The following TSPEAR variants were observed in gnomAD, a reference collection of about 807,000 sequenced individuals.
TSPEAR encodes thrombospondin-type laminin G domain and EAR repeat-containing protein.
TSPEAR carries 69 observed loss-of-function variants against 71.6 expected under a neutral mutation model. The ratio of observed to expected loss-of-function variants is 0.96; its 90% CI spans 0.79 to 1.18. The LOEUF is 1.18. TSPEAR is among the 50% of genes most tolerant of loss of function. TSPEAR has a pLI of 0.00. For missense variants in TSPEAR, 971 were observed against 894.9 expected, an observed-to-expected ratio of 1.09 and a Z score of -1.09; for synonymous variants, 402 against 387.2, an observed-to-expected ratio of 1.04 and a Z score of -0.45.
chr21:44,697,389 G>A lies in TSPEAR; in HGVS notation c.82+14044C>T, dbSNP rs782079964. The A allele has an allele frequency of 2.5e-6, 4 of 1,613,376 alleles. No individual in the cohort carries two copies. The highest frequency in any genetic ancestry group is 2.2e-5 in the South Asian group (2 of 91,058). ...GTGAGCCGTGTATCCAGCCCCTGCT[G>A]CCGAGTGACCTGTGAGCCCAGCCCC... On this transcript the variant is annotated intron_variant, in intron 1 of 11. Coordinates refer to ENST00000323084, the MANE Select transcript of TSPEAR (RefSeq NM_144991.3).
In TSPEAR at chr21:44,677,047, G is replaced by A. The variant is rs1986347576; in HGVS notation, c.82+34386C>T. On this transcript the variant is annotated intron_variant, in intron 1 of 11. Coordinates refer to ENST00000323084, the MANE Select transcript of TSPEAR (RefSeq NM_144991.3). ...CAGCTGTCGTTTAAAGTCATCCTGAGCTTGGCCCACCAGCTCATGATACTG... is the reference window on the plus strand; with the variant it reads ...CAGCTGTCGTTTAAAGTCATCCTGAACTTGGCCCACCAGCTCATGATACTG... 9 of 792,030 alleles carry A rather than the reference G, an allele frequency of 1.1e-5. No homozygotes were observed. In the East Asian group the frequency reaches 2.0e-4, roughly 18 times the overall value. 49.1% of individuals were successfully genotyped at this position (792,030 alleles called of 1,614,324 possible).
Position 44,514,396 on chromosome 21 carries a change from A to G in TSPEAR, c.1567-5010T>C, listed in dbSNP as rs980855684. On this transcript the variant is annotated intron_variant, in intron 9 of 11. Transcript: ENST00000323084. ...CACGTGTGCATGAGTGTGCATGTAC[A>G]TGTGTGTTGAGCCATGGGCGGGACC... Among the ~76,000 whole-genome samples the G allele has an allele frequency of 5.9e-5, 9 of 152,114 alleles. No individual in the cohort carries two copies. The East Asian group carries it at 7.7e-4, about 13-fold the overall frequency.
intron 1 of TSPEAR, among the ~76,000 whole-genome samples, chr21:44,592,737 C>T (rs587734500): frequency 1.2e-4 from 18 of 152,252 alleles, no homozygotes; most frequent in African/African-American, 3.9e-4. Context: ...GGGGCCTGGT[C>T]CCAGCTGGGT....
At chr21:44,533,528 GATGGCTCCTGCCCCTCCACCCC>G (rs1555915953) in intron 3 of TSPEAR, among the ~76,000 whole-genome samples, 135 bp downstream of exon 3, 1 of 151,448 alleles carries the variant, frequency 6.6e-6, no homozygotes. Flanking sequence ...CTGCCCCGTG[GATGGCTCCTGCCCCTCCACCCC>G]ATGGCTCCTG....
At chr21:44,601,546 G>A (rs1453511557) in intron 1 of TSPEAR, 8 of 1,613,370 alleles carry the variant, frequency 5.0e-6, no homozygotes, top group African/African-American at 2.7e-5. Context: ...CTCCTCCTCC[G>A]TGTCCCTCCT....
At chr21:44,688,439 G>A (rs183139237) in intron 1 of TSPEAR, among the ~76,000 whole-genome samples, 4 of 152,322 alleles carry the variant, frequency 2.6e-5, no homozygotes, top group South Asian at 2.1e-4. Context: ...GGAAAGAGAC[G>A]GCCGGGCGCG....
In TSPEAR at chr21:44,558,755, G is replaced by A. The variant is rs781980946; in HGVS notation, c.303+9030C>T. On this transcript the variant is annotated intron_variant, in intron 2 of 11. Coordinates refer to ENST00000323084, the MANE Select transcript of TSPEAR (RefSeq NM_144991.3). ...GAGGTGAGCTGGGGGAGACGTGAGT[G>A]AGTGAGTGTGGGAGTGAGTGAGGGA... The A allele has an allele frequency of 3.8e-6, 6 of 1,569,540 alleles. No individual in the cohort carries two copies. The Admixed American group carries it at 7.0e-5, about 18-fold the overall frequency.
At chr21:44,511,295 C>T (rs911744470) in intron 9 of TSPEAR, among the ~76,000 whole-genome samples, 1 of 152,206 alleles carries the variant, frequency 6.6e-6, no homozygotes, top group Admixed American at 6.5e-5. Context: ...TGGATGTGCA[C>T]TGTGCGCACA....
chr21:44,617,920 G>A (rs1484294519), intron 1 of TSPEAR, among the ~76,000 whole-genome samples: 1 of 152,186 alleles, frequency 6.6e-6, no homozygotes, highest in East Asian at 1.9e-4. Context: ...AAGCTGGAGT[G>A]TTAGCAGATT....
At chr21:44,656,459 C>CA (rs782741375) in intron 1 of TSPEAR, among the ~76,000 whole-genome samples, 1 of 142,906 alleles carries the variant, frequency 7.0e-6, no homozygotes, top group Non-Finnish European at 1.6e-5. Flanking sequence ...TCTGGGTTGG[C>CA]AAATTTTTTT....
chr21:44,652,164 T>A (rs1410513908), intron 1 of TSPEAR, among the ~76,000 whole-genome samples: 1 of 152,130 alleles, frequency 6.6e-6, no homozygotes, highest in Non-Finnish European at 1.5e-5. Flanking sequence ...TTTGTATTTT[T>A]AGTAGAGACG....
At chr21:44,611,659 C>A (rs1165034491) in intron 1 of TSPEAR, among the ~76,000 whole-genome samples, 3 of 152,132 alleles carry the variant, frequency 2.0e-5, no homozygotes, top group African/African-American at 7.2e-5. Flanking sequence ...TGGAGCAGAA[C>A]TCTGGGACAG....
At chr21:44,558,990 T>C (rs1215181826) in intron 2 of TSPEAR, among the ~76,000 whole-genome samples, 1 of 152,136 alleles carries the variant, frequency 6.6e-6, no homozygotes, top group Non-Finnish European at 1.5e-5. Context: ...AATGTGGGCT[T>C]GTCCACAGAG....
intron 9 of TSPEAR, chr21:44,515,870 A>C (rs1032383061): frequency 6.6e-6 from 1 of 152,248 alleles, no homozygotes; most frequent in Non-Finnish European, 1.5e-5. Flanking sequence ...CATCAAAGGG[A>C]TGGGCCCCAT....
chr21:44,551,430 G>A (rs782587712), intron 2 of TSPEAR: 5 of 1,612,832 alleles, frequency 3.1e-6, no homozygotes, highest in Admixed American at 1.7e-5. Flanking sequence ...GCAGGCGCTG[G>A]AGCAGATGGA....
chr21:44,636,951 C>T lies in TSPEAR; in HGVS notation c.83-68946G>A, dbSNP rs1382726289. On this transcript the variant is annotated intron_variant, in intron 1 of 11. Transcript: ENST00000323084. ...GAAGCGCTGTCTTCAAGCATCTTTT[C>T]CCAACACAGGCACCTCCGTCCTGGC... Among the ~76,000 whole-genome samples, 3 of 152,246 alleles carry T rather than the reference C, an allele frequency of 2.0e-5. No homozygotes were observed. The East Asian group carries it at 5.8e-4, about 29-fold the overall frequency.
chr21:44,528,013 G>A (rs782199594), intron 6 of TSPEAR, among the ~76,000 whole-genome samples: 29 of 152,244 alleles, frequency 1.9e-4, no homozygotes, highest in Middle Eastern at 3.4e-3. Flanking sequence ...GGGAGGGTGT[G>A]GGCAGAGGCG....
intron 2 of TSPEAR, among the ~76,000 whole-genome samples, chr21:44,555,952 T>C (rs373893800): frequency 4.6e-5 from 7 of 152,286 alleles, no homozygotes; most frequent in African/African-American, 1.7e-4. Flanking sequence ...CCATCGAAAC[T>C]GCAAAGGAGT....
intron 2 of TSPEAR, among the ~76,000 whole-genome samples, chr21:44,564,381 C>T (rs1245079576): frequency 1.3e-5 from 2 of 152,164 alleles, no homozygotes; most frequent in African/African-American, 2.4e-5. Context: ...AATAGATACT[C>T]TGTAAAGTAG....
Sources: gnomAD v4.1 joint callset for allele counts (sites outside exome capture counted in the v4.1 genomes callset) on GRCh38, gnomAD v4.1.1 for gene constraint, MANE v1.5 for transcripts, NCBI Gene and HGNC (gene_info 2026-07-23, HGNC 2026-07-21) for gene names.